SIPA1L1: variants seen among roughly 807,000 people sequenced by gnomAD.
SIPA1L1 encodes signal-induced proliferation-associated 1-like protein 1.
A neutral mutation model predicts 162.7 loss-of-function variants in SIPA1L1; 26 were observed. The ratio of observed to expected loss-of-function variants is 0.16; its 90% CI spans 0.12 to 0.22. The LOEUF is 0.22. SIPA1L1 is among the 10% of genes least tolerant of loss of function. SIPA1L1 has a pLI of 1.00. For synonymous variants in SIPA1L1, 829 were observed against 837.4 expected (o/e 0.99, Z 0.17); for missense variants, 1,874 against 2,241.0 (o/e 0.84, Z 3.31).
chr14:71,670,908 C>T (rs1196760296), intron 10 of SIPA1L1, among the ~76,000 whole-genome samples: 1 of 151,310 alleles, frequency 6.6e-6, no homozygotes, highest in African/African-American at 2.4e-5. Context: ...TTGTTTTTGG[C>T]CTAGAAAAAA....
chr14:71,597,290 T>C lies in SIPA1L1; in HGVS notation c.1498+7920T>C, dbSNP rs1466906497. 3.3e-5 allele frequency among the ~76,000 whole-genome samples: 5 copies of C among 152,272 alleles called. No individual in the cohort carries two copies. In the East Asian group the frequency reaches 9.6e-4, roughly 29 times the overall value. Reference sequence around the variant, plus strand: ...AGCCACTGCACCCGCCTTATAGTTATCTTTCATAATCGTTTTTTCTTATAT... The same window carrying C: ...AGCCACTGCACCCGCCTTATAGTTACCTTTCATAATCGTTTTTTCTTATAT... On this transcript the variant is annotated intron_variant, in intron 5 of 23. Transcript: ENST00000381232.
In SIPA1L1 at chr14:71,672,630, TGAG is replaced by T. The variant is rs1484471217; in HGVS notation, c.3104+12_3104+14del. ...TGACTGCACCCCGCGGAGGTAGGTC[TGAG>T]GAGACAGCTGTGGGCCTGAGACTCG... On this transcript the variant is annotated intron_variant, in intron 12 of 23. Coordinates refer to ENST00000381232, the MANE Select transcript of SIPA1L1 (RefSeq NM_001386936.1). 91 of 1,610,280 alleles carry T rather than the reference TGAG, an allele frequency of 5.7e-5. No homozygotes were observed. The highest frequency in any genetic ancestry group is 7.6e-5 in the Non-Finnish European group (89 of 1,176,972).
chr14:71,657,337 G>A (rs1416328412), intron 8 of SIPA1L1, among the ~76,000 whole-genome samples: 1 of 125,624 alleles, frequency 8.0e-6, no homozygotes, highest in African/African-American at 3.2e-5. Context: ...GACAGAGTGA[G>A]ACTGTCTCAA....
intron 13 of SIPA1L1, among the ~76,000 whole-genome samples, chr14:71,690,773 G>T (rs1160651409): frequency 6.6e-6 from 1 of 152,168 alleles, no homozygotes; most frequent in Non-Finnish European, 1.5e-5. Flanking sequence ...TCTTCTAGAA[G>T]GTTCATCCAC....
chr14:71,346,047 A>G lies in SIPA1L1; in HGVS notation c.-465+24866A>G, dbSNP rs527548639. ...CTCAGCCTCCCGAGTAGCTGGGACT[A>G]CATGCGCTTGCCACCACGCCCAGCT... On this transcript the variant is annotated intron_variant, in intron 2 of 23. Coordinates refer to ENST00000381232, the MANE Select transcript of SIPA1L1 (RefSeq NM_001386936.1). Among the ~76,000 whole-genome samples, 12 of 152,206 alleles carry G rather than the reference A, an allele frequency of 7.9e-5. No homozygotes were observed. In the South Asian group the frequency reaches 2.3e-3, roughly 29 times the overall value.
At chr14:71,727,743 C>G (rs1270265605) in intron 19 of SIPA1L1, among the ~76,000 whole-genome samples, 11 of 152,246 alleles carry the variant, frequency 7.2e-5, no homozygotes, top group Admixed American at 7.2e-4. Flanking sequence ...CCAGGTACAA[C>G]CTGCAAGGCA....
chr14:71,415,764 C>T (rs1410570688), intron 2 of SIPA1L1, among the ~76,000 whole-genome samples: 1 of 151,440 alleles, frequency 6.6e-6, no homozygotes, highest in East Asian at 1.9e-4. Flanking sequence ...ATGGCATGAT[C>T]TCGGCTCACT....
intron 7 of SIPA1L1, among the ~76,000 whole-genome samples, chr14:71,638,431 A>C (rs552237924): frequency 6.6e-6 from 1 of 152,370 alleles, no homozygotes; most frequent in Non-Finnish European, 1.5e-5. Context: ...AGACTAAAGA[A>C]GAAAAATCAC....
intron 3 of SIPA1L1, among the ~76,000 whole-genome samples, chr14:71,523,277 TAG>T (rs1226361773): frequency 6.6e-6 from 1 of 152,036 alleles, no homozygotes; most frequent in African/African-American, 2.4e-5. Context: ...ATATTTGGCA[TAG>T]AGAGAAAAAG....
intron 3 of SIPA1L1, among the ~76,000 whole-genome samples, chr14:71,516,925 G>A (rs2051791514): frequency 6.6e-6 from 1 of 152,078 alleles, no homozygotes; most frequent in African/African-American, 2.4e-5. Flanking sequence ...GTGAGCTGAG[G>A]TTTCATCGTT....
chr14:71,360,728 A>G (rs911213354), intron 2 of SIPA1L1, among the ~76,000 whole-genome samples: 1 of 152,258 alleles, frequency 6.6e-6, no homozygotes, highest in African/African-American at 2.4e-5. Context: ...ACAGAATGAG[A>G]GATCACTGTT....
intron 5 of SIPA1L1, among the ~76,000 whole-genome samples, chr14:71,613,301 A>G (rs537180685): frequency 6.6e-6 from 1 of 152,218 alleles, no homozygotes; most frequent in East Asian, 1.9e-4. Context: ...GCTATATACT[A>G]CTTCTGACTA....
intron 17 of SIPA1L1, among the ~76,000 whole-genome samples, chr14:71,723,439 G>A (rs2301918): frequency 0.43 from 65,560 of 152,056 alleles, 14,659 homozygotes; most frequent in East Asian, 0.57. Flanking sequence ...TTAAAGTGCA[G>A]ACTAAGCCCT....
At chr14:71,372,375 C>T (rs2038973250) in intron 2 of SIPA1L1, among the ~76,000 whole-genome samples, 1 of 152,114 alleles carries the variant, frequency 6.6e-6, no homozygotes, top group Non-Finnish European at 1.5e-5. Context: ...CTTGAATAGA[C>T]TCAGAAACAA....
chr14:71,405,285 G>A (rs779961561), intron 2 of SIPA1L1, among the ~76,000 whole-genome samples: 3 of 152,212 alleles, frequency 2.0e-5, no homozygotes, highest in South Asian at 2.1e-4. Flanking sequence ...GAGGACCTGA[G>A]GCAGGAAAGA....
In SIPA1L1 at chr14:71,587,758, A is replaced by T; in HGVS notation, c.-115A>T. 1.1e-6 allele frequency: 1 copy of T among 943,868 alleles called. No homozygotes were observed. The highest frequency in any genetic ancestry group is 1.8e-5 in the South Asian group (1 of 56,418). 58.5% of individuals were successfully genotyped at this position (943,868 alleles called of 1,614,324 possible). Reference sequence around the variant, plus strand: ...AACCTTTTAAATGAAAAAGATTAAGATCTCATGCAACTGTTGTATTTTCTG... The same window carrying T: ...AACCTTTTAAATGAAAAAGATTAAGTTCTCATGCAACTGTTGTATTTTCTG... On this transcript the variant is annotated 5_prime_UTR_variant, in exon 5 of 24. Transcript: ENST00000381232.
chr14:71,417,799 T>C (rs1371833826), intron 2 of SIPA1L1, among the ~76,000 whole-genome samples: 1 of 152,190 alleles, frequency 6.6e-6, no homozygotes, highest in Admixed American at 6.5e-5. Flanking sequence ...AAATGCTAAC[T>C]ATAATACAGT....
At chr14:71,547,886 TACA>T (rs1484262224) in intron 4 of SIPA1L1, among the ~76,000 whole-genome samples, 1 of 152,166 alleles carries the variant, frequency 6.6e-6, no homozygotes, top group Admixed American at 6.5e-5. Context: ...CTAGTAAAAA[TACA>T]ACAACCAGCT....
intron 2 of SIPA1L1, among the ~76,000 whole-genome samples, chr14:71,490,681 G>A (rs117626737): frequency 1.4e-3 from 208 of 152,242 alleles, no homozygotes; most frequent in Non-Finnish European, 2.5e-3. Context: ...CCTACAAAGT[G>A]TCATACAGCA....
Sources: gnomAD v4.1 joint callset for allele counts (sites outside exome capture counted in the v4.1 genomes callset) on GRCh38, gnomAD v4.1.1 for gene constraint, MANE v1.5 for transcripts, NCBI Gene and HGNC (gene_info 2026-07-23, HGNC 2026-07-21) for gene names.